The following HAO2 variants were observed in gnomAD, a reference collection of about 807,000 sequenced individuals.
HAO2 encodes 2-Hydroxyacid oxidase 2.
HAO2 carries 42 observed loss-of-function variants against 37.4 expected under a neutral mutation model. The ratio of observed to expected loss-of-function variants is 1.12; its 90% confidence interval spans 0.88 to 1.45. The LOEUF is 1.45. Ranked by LOEUF, HAO2 falls within the 40% of genes most tolerant of loss-of-function variation. The pLI is 0.00. For synonymous variants in HAO2, 180 were observed against 162.8 expected (o/e 1.11, Z -0.81); for missense variants, 476 against 430.2 (o/e 1.11, Z -0.94).
At chr1:119,371,009 G>C (rs1648950429) in intron 1 of HAO2, among the ~76,000 whole-genome samples, 1 of 152,198 alleles carries the variant, frequency 6.6e-6, no homozygotes. Flanking sequence ...TTCTATCCTT[G>C]TTGAGCAGAT....
At position 119,392,755 on chromosome 1, in the gene HAO2, C is replaced by A; in HGVS notation, c.1000+68C>A. ...TGGCTAAAGAATAGGAGCAGCAGTC[C>A]TTCCCTCTAGCAGACCCTTTCCTGA... On this transcript the variant is annotated intron_variant, in intron 7 of 7. Transcript: ENST00000325945. The A allele has an allele frequency of 2.1e-6, 2 of 960,650 alleles. 1 individual carries two copies. The highest frequency in any genetic ancestry group is 3.4e-5 in the Admixed American group (2 of 59,136). 59.5% of individuals were successfully genotyped at this position (960,650 alleles called of 1,614,324 possible). A position where few individuals can be genotyped will look rare whatever the true frequency, so the allele number is the denominator to read the frequency against.
At chr1:119,386,954 T>G in intron 5 of HAO2, 123 bp downstream of exon 5, 1 of 678,368 alleles carries the variant, frequency 1.5e-6, no homozygotes, top group Non-Finnish European at 2.7e-6. Flanking sequence ...CCACATGTGT[T>G]GGTATGTATC....
chr1:119,381,457 CA>C (rs1649935721), intron 2 of HAO2, among the ~76,000 whole-genome samples: 1 of 152,142 alleles, frequency 6.6e-6, no homozygotes, highest in Admixed American at 6.5e-5. Context: ...TTCATCTCAG[CA>C]ACTTTGCAAC....
At chr1:119,379,117 T>C (rs1357535638) in intron 1 of HAO2, among the ~76,000 whole-genome samples, 3 of 152,176 alleles carry the variant, frequency 2.0e-5, no homozygotes, top group East Asian at 1.9e-4. Flanking sequence ...AGTGGACTCA[T>C]GCGGGATGCA....
At chr1:119,380,776 G>T (rs1407220315) in intron 1 of HAO2, 24 of 1,137,152 alleles carry the variant, frequency 2.1e-5, no homozygotes, top group Non-Finnish European at 3.2e-5. Context: ...AAGTGGTGGG[G>T]CCTCAACTAG....
chr1:119,386,731 T>C lies in HAO2; in HGVS notation c.671T>C (p.Ile224Thr). 6.2e-7 allele frequency: 1 copy of C among 1,613,454 alleles called. No homozygotes were observed. The highest frequency in any genetic ancestry group is 8.5e-7 in the Non-Finnish European group (1 of 1,179,444). The stretch of plus-strand genomic sequence containing the variant: ...CGATTGCCCATCATCCTGAAAGGGA[T>C]TTTGACAAAAGAGGATGCAGAGTTA... ...ITRLPIILKG[I>T]LTKEDAELAV... The change falls in exon 5 of 8, where the codon ATT becomes ACT. Residue 224 changes from isoleucine to threonine, a missense_variant. Ile to Thr is a moderately conservative substitution (Grantham distance 89). Transcript: ENST00000325945.
intron 4 of HAO2, chr1:119,385,847 A>C (rs1650340488): frequency 2.0e-6 from 2 of 984,814 alleles, no homozygotes; most frequent in African/African-American, 1.7e-5. Flanking sequence ...CAAATTCCAG[A>C]AGCACATTGA....
chr1:119,392,350 C>A, intron 6 of HAO2, 82 bp downstream of exon 6: 2 of 1,204,944 alleles, frequency 1.7e-6, no homozygotes, highest in Non-Finnish European at 2.4e-6. Context: ...ATTTTCCAAG[C>A]TTAGACATTT....
At position 119,370,971 on chromosome 1, in the gene HAO2, G is replaced by A. The variant is rs764022331; in HGVS notation, c.-9+2069G>A. Among the ~76,000 whole-genome samples the A allele has an allele frequency of 2.2e-4, 33 of 152,316 alleles. 1 individual carries two copies. In the Middle Eastern group the frequency reaches 0.014, roughly 63 times the overall value. ...ACGTCAGAGCCTGTTTTGGAGCTTTGTGTGAATTCTGATGTCTGTTTTGCA... is the reference window on the plus strand; with the variant it reads ...ACGTCAGAGCCTGTTTTGGAGCTTTATGTGAATTCTGATGTCTGTTTTGCA... On this transcript the variant is annotated intron_variant, in intron 1 of 7. Transcript: ENST00000325945.
rs201759473 is a variant in HAO2, at chr1:119,384,865, C to G, written c.373C>G (p.Arg125Gly). 3 of 1,613,770 alleles carry G rather than the reference C, an allele frequency of 1.9e-6. No individual in the cohort carries two copies. Among genetic ancestry groups the G allele is most frequent in the Non-Finnish European group, 2.5e-6 (3 of 1,179,696 alleles). Residue 125 changes from arginine (R) to glycine (G), a missense_variant, in exon 4 of 8, where the codon CGA (arginine) becomes GGA (glycine). Arg to Gly is a moderately radical substitution (Grantham distance 125, BLOSUM62 -2). Transcript: ENST00000325945. The stretch of plus-strand genomic sequence containing the variant: ...TGTCATTGCAGCTCCCGAAGGCCTC[C>G]GATGGTTCCAACTCTATGTGCATCC... Reference protein sequence around the residue: ...DIVIAAPEGLRWFQLYVHPDL... With the variant: ...DIVIAAPEGLGWFQLYVHPDL...
chr1:119,382,491 G>A (rs1269580879), intron 2 of HAO2, among the ~76,000 whole-genome samples: 1 of 152,090 alleles, frequency 6.6e-6, no homozygotes, highest in East Asian at 1.9e-4. Context: ...CTTACTTTCT[G>A]GAGACTTGGG....
chr1:119,374,421 AC>A (rs1319402122), intron 1 of HAO2, among the ~76,000 whole-genome samples: 3 of 152,186 alleles, frequency 2.0e-5, no homozygotes, highest in Non-Finnish European at 4.4e-5. Flanking sequence ...TGAGGGGAAG[AC>A]TGATTACAGC....
chr1:119,393,660 A>G, intron 7 of HAO2, 125 bp from the exon 8 acceptor site: 1 of 801,248 alleles, frequency 1.2e-6, no homozygotes, highest in East Asian at 2.5e-5. Flanking sequence ...CTGTATGTAA[A>G]CCATTTTATA....
At chr1:119,385,759 A>C (rs1311713283) in intron 4 of HAO2, 2 of 985,178 alleles carry the variant, frequency 2.0e-6, no homozygotes, top group African/African-American at 3.5e-5. Context: ...ACCAGTGGGC[A>C]ACTGTGACAC....
intron 1 of HAO2, among the ~76,000 whole-genome samples, chr1:119,369,690 G>C (rs2101154084): frequency 6.6e-6 from 1 of 152,290 alleles, no homozygotes; most frequent in East Asian, 1.9e-4. Flanking sequence ...GTCTAGAATA[G>C]ATTGAGTGGA....
chr1:119,370,363 T>G (rs1412633531), intron 1 of HAO2: 2 of 152,214 alleles, frequency 1.3e-5, no homozygotes, highest in Non-Finnish European at 2.9e-5. Context: ...GGGTTTAAAT[T>G]ATACTATGAC....
Position 119,386,641 on chromosome 1 carries a change from T to A in HAO2, c.581T>A (p.Phe194Tyr), listed in dbSNP as rs1650402329. ...SPKKGNAIPY[F>Y]QMTPISTSLC... is the part of the protein sequence containing the mutation. ...CTATAGGGAAATGCAATACCTTATTTCCAGATGACTCCTATCAGCACTTCT... is the reference window on the plus strand; with the variant it reads ...CTATAGGGAAATGCAATACCTTATTACCAGATGACTCCTATCAGCACTTCT... The change falls in exon 5 of 8, where the codon TTC becomes TAC. Residue 194 changes from phenylalanine to tyrosine, a missense_variant. Phe to Tyr is a conservative substitution (Grantham distance 22). Transcript: ENST00000325945. The A allele has an allele frequency of 6.2e-7, 1 of 1,609,386 alleles. No homozygotes were observed. Among genetic ancestry groups the A allele is most frequent in the African/African-American group, 1.3e-5 (1 of 74,808 alleles).
chr1:119,375,941 G>A (rs1649417700), intron 1 of HAO2, among the ~76,000 whole-genome samples: 2 of 152,142 alleles, frequency 1.3e-5, no homozygotes, highest in African/African-American at 4.8e-5. Context: ...TAAAATTCAA[G>A]ATGAGGTTTG....
intron 1 of HAO2, among the ~76,000 whole-genome samples, chr1:119,377,047 C>G (rs1158877259): frequency 6.6e-6 from 1 of 152,192 alleles, no homozygotes; most frequent in African/African-American, 2.4e-5. Flanking sequence ...TTTTTCTTTT[C>G]TATCATCACA....
Sources: allele counts gnomAD v4.1 joint callset (sites outside exome capture counted in the v4.1 genomes callset), GRCh38; gene constraint gnomAD v4.1.1; transcripts MANE v1.5; gene names NCBI Gene and HGNC (gene_info 2026-07-23, HGNC 2026-07-21).